Variants in CAP2 observed in about 807,000 individuals in gnomAD.
CAP2 encodes cyclase associated actin cytoskeleton regulatory protein 2.
CAP2 carries 24 observed loss-of-function variants against 57.7 expected under a neutral mutation model. That is an observed-to-expected ratio of 0.42 (90% CI 0.30 to 0.58). The LOEUF is 0.58. Ranked by LOEUF, CAP2 falls within the 20% of genes least tolerant of loss-of-function variation. The probability of loss-of-function intolerance (pLI) is 0.22; values close to 1 mark genes in which losing one functional copy is unlikely to be tolerated. For synonymous variants in CAP2, 194 were observed against 207.2 expected (o/e 0.94, Z 0.55); for missense variants, 501 against 590.3 (o/e 0.85, Z 1.57).
intron 7 of CAP2, among the ~76,000 whole-genome samples, chr6:17,534,914 TA>T (rs1422616870): frequency 7.9e-5 from 12 of 152,216 alleles, no homozygotes; most frequent in African/African-American, 2.9e-4. Flanking sequence ...AAGATCTGGG[TA>T]CATGTACCCC....
chr6:17,410,113 C>G lies in CAP2; in HGVS notation c.-1-11442C>G, dbSNP rs146159918. On this transcript the variant is annotated intron_variant, in intron 1 of 12. Transcript: ENST00000229922. ...TTTTTCTTCTTCTGAATACCATACT[C>G]TCATCTTTGAGACTTAATTTGGTTC... Among the ~76,000 whole-genome samples the G allele has an allele frequency of 4.4e-3, 670 of 152,320 alleles. 6 individuals are homozygous for G. The highest frequency in any genetic ancestry group is 0.015 in the African/African-American group (637 of 41,556).
chr6:17,484,557 T>C (rs1436183429), intron 4 of CAP2, among the ~76,000 whole-genome samples: 1 of 152,222 alleles, frequency 6.6e-6, no homozygotes, highest in Non-Finnish European at 1.5e-5. Context: ...AACACCTCAC[T>C]TTTCATCTCT....
intron 11 of CAP2, among the ~76,000 whole-genome samples, chr6:17,548,939 A>G (rs973698274): frequency 6.6e-6 from 1 of 152,224 alleles, no homozygotes; most frequent in Non-Finnish European, 1.5e-5. Flanking sequence ...TGATAATAAC[A>G]TGTAGAAGAA....
intron 7 of CAP2, among the ~76,000 whole-genome samples, chr6:17,534,816 C>G (rs1762734205): frequency 6.6e-6 from 1 of 152,130 alleles, no homozygotes; most frequent in Admixed American, 6.5e-5. Flanking sequence ...ATGAAATCAC[C>G]CTGAGGGGTC....
chr6:17,468,473 C>T (rs1218600075), intron 4 of CAP2, among the ~76,000 whole-genome samples: 1 of 152,232 alleles, frequency 6.6e-6, no homozygotes, highest in African/African-American at 2.4e-5. Context: ...TCATCACCCA[C>T]TGAACTGATC....
chr6:17,485,420 G>C (rs1323913335), intron 4 of CAP2, among the ~76,000 whole-genome samples: 1 of 152,154 alleles, frequency 6.6e-6, no homozygotes, highest in African/African-American at 2.4e-5. Context: ...CTGGTTACCG[G>C]TGCCACCCGG....
At chr6:17,518,558 T>G (rs1762321221) in intron 7 of CAP2, among the ~76,000 whole-genome samples, 1 of 152,212 alleles carries the variant, frequency 6.6e-6, no homozygotes, top group Non-Finnish European at 1.5e-5. Flanking sequence ...TATAAAATGA[T>G]AAATATCATG....
intron 6 of CAP2, 81 bp downstream of exon 6, chr6:17,507,807 A>C: frequency 2.6e-6 from 2 of 778,868 alleles, no homozygotes; most frequent in Non-Finnish European, 4.6e-6. Flanking sequence ...CCAGTTAACT[A>C]CTGATTCCTT....
At chr6:17,394,964 A>G (rs890116475) in intron 1 of CAP2, among the ~76,000 whole-genome samples, 2 of 150,376 alleles carry the variant, frequency 1.3e-5, no homozygotes, top group Non-Finnish European at 3.0e-5. Context: ...TGACTTCTTG[A>G]ATATACTGCA....
At chr6:17,544,147 A>G (rs1037035473) in intron 11 of CAP2, among the ~76,000 whole-genome samples, 1 of 151,896 alleles carries the variant, frequency 6.6e-6, no homozygotes, top group African/African-American at 2.4e-5. Flanking sequence ...AGAAAAGAAA[A>G]AAAGGACAGC....
At chr6:17,418,314 C>T (rs1759340428) in intron 1 of CAP2, among the ~76,000 whole-genome samples, 2 of 152,194 alleles carry the variant, frequency 1.3e-5, no homozygotes, top group Admixed American at 6.5e-5. Context: ...AGAGACATCT[C>T]TCCAACTTCC....
chr6:17,424,510 GGTGA>G (rs1359627116), intron 2 of CAP2, among the ~76,000 whole-genome samples: 1 of 152,174 alleles, frequency 6.6e-6, no homozygotes, highest in Non-Finnish European at 1.5e-5. Flanking sequence ...TGCTTTAGAA[GGTGA>G]GTGTTTTTTT....
intron 6 of CAP2, among the ~76,000 whole-genome samples, chr6:17,511,723 A>G (rs1307336672): frequency 6.6e-6 from 1 of 152,132 alleles, no homozygotes; most frequent in Non-Finnish European, 1.5e-5. Flanking sequence ...GAAAGTACTG[A>G]GATTATAGGC....
chr6:17,491,186 G>T (rs1462403407), intron 4 of CAP2, among the ~76,000 whole-genome samples: 1 of 151,984 alleles, frequency 6.6e-6, no homozygotes, highest in Non-Finnish European at 1.5e-5. Context: ...CCCCGAGATT[G>T]TCAGGGTGCC....
Position 17,457,955 on chromosome 6 carries a change from A to G in CAP2, c.223-5041A>G, listed in dbSNP as rs561149173. 3.9e-5 allele frequency among the ~76,000 whole-genome samples: 6 copies of G among 152,358 alleles called. No individual in the cohort carries two copies. In the East Asian group the frequency reaches 9.6e-4, roughly 24 times the overall value. ...GCAACTACAATTCAGTCGGCTCTGC[A>G]AGGCTTGTCATAGATGAGGACGTTA... On this transcript the variant is annotated intron_variant, in intron 3 of 12. Coordinates refer to ENST00000229922, the MANE Select transcript of CAP2 (RefSeq NM_006366.3).
intron 4 of CAP2, among the ~76,000 whole-genome samples, chr6:17,471,707 T>C (rs1761023934): frequency 6.6e-6 from 1 of 151,208 alleles, no homozygotes; most frequent in African/African-American, 2.4e-5. Context: ...GGCGGGTGCC[T>C]GTAGTCCCAG....
At chr6:17,399,532 T>C (rs578064590) in intron 1 of CAP2, among the ~76,000 whole-genome samples, 8 of 152,334 alleles carry the variant, frequency 5.3e-5, no homozygotes, top group African/African-American at 1.7e-4. Context: ...GGACATTGTC[T>C]GAAACCAGAA....
At chr6:17,451,605 G>A (rs1760404781) in intron 3 of CAP2, among the ~76,000 whole-genome samples, 1 of 152,036 alleles carries the variant, frequency 6.6e-6, no homozygotes, top group Non-Finnish European at 1.5e-5. Context: ...CGCCTCCCGG[G>A]TTCAAGCGAT....
At chr6:17,440,792 G>A (rs1253985266) in intron 3 of CAP2, among the ~76,000 whole-genome samples, 2 of 151,236 alleles carry the variant, frequency 1.3e-5, no homozygotes, top group Non-Finnish European at 2.9e-5. Context: ...TTTATATTAC[G>A]TATTTCTCCT....
Sources: gnomAD v4.1 joint callset for allele counts (sites outside exome capture counted in the v4.1 genomes callset) on GRCh38, gnomAD v4.1.1 for gene constraint, MANE v1.5 for transcripts, NCBI Gene and HGNC (gene_info 2026-07-23, HGNC 2026-07-21) for gene names.